Variants in REPS1 observed in about 807,000 individuals in gnomAD.
REPS1 encodes the protein RALBP1 associated Eps domain containing 1, also known as ralBP1-associated Eps domain-containing protein 1.
Under a neutral mutation model 100.9 loss-of-function variants are expected in REPS1, and 39 were observed. The ratio of observed to expected loss-of-function variants is 0.39; its 90% CI spans 0.30 to 0.50. The LOEUF is 0.50. Among genes scored for constraint, REPS1 ranks in the 20% least tolerant of loss-of-function variants. The probability of loss-of-function intolerance (pLI) is 0.86; values close to 1 mark genes in which losing one functional copy is unlikely to be tolerated. For missense variants in REPS1, 821 were observed against 968.5 expected (o/e 0.85, Z 2.02); for synonymous variants, 324 against 340.3 (o/e 0.95, Z 0.53).
At chr6:138,929,875 T>C in intron 9 of REPS1, 102 bp downstream of exon 9, 1 of 1,113,548 alleles carries the variant, frequency 9.0e-7, no homozygotes, top group Non-Finnish European at 1.3e-6. Flanking sequence ...TTCTCTCAAT[T>C]ATGCATGCAT....
intron 9 of REPS1, 120 bp downstream of exon 9, chr6:138,929,857 C>A: frequency 1.1e-6 from 1 of 907,628 alleles, no homozygotes; most frequent in Non-Finnish European, 1.7e-6. Context: ...CATAGTATAT[C>A]TGATATGTTC....
intron 18 of REPS1, among the ~76,000 whole-genome samples, chr6:138,907,862 G>A (rs1441066884): frequency 6.6e-6 from 1 of 151,988 alleles, no homozygotes; most frequent in African/African-American, 2.4e-5. Flanking sequence ...GTCTAAAGTA[G>A]GTACTGGCAA....
chr6:138,923,846 GTTTCTT>G (rs1190970856), intron 10 of REPS1, among the ~76,000 whole-genome samples: 2 of 152,156 alleles, frequency 1.3e-5, no homozygotes, highest in African/African-American at 4.8e-5. Context: ...TTACAATTTA[GTTTCTT>G]TTTAATAGTC....
At chr6:138,967,086 T>A (rs1784067976) in intron 1 of REPS1, among the ~76,000 whole-genome samples, 1 of 152,266 alleles carries the variant, frequency 6.6e-6, no homozygotes, top group Admixed American at 6.5e-5. Flanking sequence ...TGATTCATTA[T>A]GAAAGGCAAT....
intron 8 of REPS1, among the ~76,000 whole-genome samples, chr6:138,940,281 T>C (rs1314175506): frequency 2.0e-5 from 3 of 152,188 alleles, no homozygotes; most frequent in African/African-American, 7.2e-5. Flanking sequence ...CTTTTAAAAG[T>C]ATAAAATTCT....
rs1328651901 is a variant in REPS1, at chr6:138,903,642, ATGAAAT to A, written c.*1416_*1421del. On this transcript the variant is annotated 3_prime_UTR_variant, in exon 20 of 20. Coordinates refer to ENST00000450536, the MANE Select transcript of REPS1 (RefSeq NM_001286611.2). ...ATGGAAACAGCAAAACTTGCTTGTAATGAAATACAGCTGAGTAAAAATGTTTCTTTG... is the reference window on the plus strand; with the variant it reads ...ATGGAAACAGCAAAACTTGCTTGTAAACAGCTGAGTAAAAATGTTTCTTTG... The A allele has an allele frequency of 6.6e-6, 1 of 152,238 alleles. No homozygotes were observed. The highest frequency in any genetic ancestry group is 1.5e-5 in the Non-Finnish European group (1 of 68,038). The allele number at this position is 152,238 out of a possible 1,614,324, so 9.4% of individuals were successfully genotyped here.
intron 17 of REPS1, 190 bp from the exon 18 acceptor site, chr6:138,909,006 C>T: frequency 1.8e-6 from 1 of 557,104 alleles, no homozygotes; most frequent in South Asian, 2.2e-5. Context: ...TTCTAGTTGA[C>T]ACCACAATCA....
At chr6:138,925,391 C>T (rs1316843524) in intron 10 of REPS1, among the ~76,000 whole-genome samples, 1 of 151,970 alleles carries the variant, frequency 6.6e-6, no homozygotes, top group Non-Finnish European at 1.5e-5. Context: ...AAAAACAAAC[C>T]ACATCAAAGG....
intron 15 of REPS1, among the ~76,000 whole-genome samples, chr6:138,914,178 T>C (rs1024904369): frequency 2.0e-5 from 3 of 152,128 alleles, no homozygotes; most frequent in Non-Finnish European, 4.4e-5. Context: ...CAAGAGATCC[T>C]CCCACCTCAG....
chr6:138,971,331 G>A (rs2128502015), intron 1 of REPS1, among the ~76,000 whole-genome samples: 1 of 152,242 alleles, frequency 6.6e-6, no homozygotes, highest in South Asian at 2.1e-4. Flanking sequence ...TGTCTCAGTG[G>A]ACTGTGCTAG....
At chr6:138,964,748 G>A (rs1042213897) in intron 1 of REPS1, among the ~76,000 whole-genome samples, 1 of 151,428 alleles carries the variant, frequency 6.6e-6, no homozygotes, top group African/African-American at 2.4e-5. Context: ...AAAAACCCTA[G>A]AAATGTCTTC....
intron 1 of REPS1, among the ~76,000 whole-genome samples, chr6:138,980,151 G>A (rs953586922): frequency 2.0e-5 from 3 of 151,796 alleles, no homozygotes; most frequent in South Asian, 2.1e-4. Context: ...TTATGCCTTC[G>A]TATTTCTACC....
intron 1 of REPS1, among the ~76,000 whole-genome samples, chr6:138,948,226 G>A (rs1215970678): frequency 3.9e-5 from 6 of 152,074 alleles, no homozygotes; most frequent in Non-Finnish European, 8.8e-5. Flanking sequence ...CATAAGCACT[G>A]CACATACAAT....
At position 138,955,465 on chromosome 6, in the gene REPS1, T is replaced by A. The variant is rs934315263; in HGVS notation, c.154-7552A>T. 2.2e-4 allele frequency among the ~76,000 whole-genome samples: 32 copies of A among 143,780 alleles called. 1 individual carries two copies. In the East Asian group the frequency reaches 6.0e-3, roughly 27 times the overall value. The allele number at this position is 143,780 out of a possible 152,430, so 94.3% of individuals were successfully genotyped here. On this transcript the variant is annotated intron_variant, in intron 1 of 19. Transcript: ENST00000450536. Reference sequence around the variant, plus strand: ...TAAAAAAAAAAAAAAAAAGTGTGTGTGTGTGTGTGTGTGTGTGTGTGTGTA... The same window carrying A: ...TAAAAAAAAAAAAAAAAAGTGTGTGAGTGTGTGTGTGTGTGTGTGTGTGTA...
intron 13 of REPS1, among the ~76,000 whole-genome samples, chr6:138,916,826 T>A (rs1053100479): frequency 6.6e-6 from 1 of 152,252 alleles, no homozygotes; most frequent in Non-Finnish European, 1.5e-5. Context: ...CCAAGGCCTC[T>A]GGTAATCTGA....
At chr6:138,916,222 T>C (rs1039269913) in intron 13 of REPS1, 14 of 209,818 alleles carry the variant, frequency 6.7e-5, no homozygotes, top group East Asian at 1.6e-4. Flanking sequence ...TTTTTTCTTT[T>C]TTTTTTTTTT....
intron 9 of REPS1, chr6:138,929,675 G>A (rs771569198): frequency 8.8e-5 from 19 of 216,730 alleles, no homozygotes; most frequent in African/African-American, 2.7e-4. Flanking sequence ...CCTAGCTCTC[G>A]TCCCTCACTG....
intron 1 of REPS1, among the ~76,000 whole-genome samples, chr6:138,956,678 A>C (rs1428273108): frequency 1.3e-5 from 2 of 152,148 alleles, no homozygotes; most frequent in African/African-American, 4.8e-5. Context: ...AAAAAAGATA[A>C]GCTATACCCA....
intron 17 of REPS1, among the ~76,000 whole-genome samples, chr6:138,909,633 T>A (rs1456826092): frequency 6.6e-6 from 1 of 151,614 alleles, no homozygotes; most frequent in South Asian, 2.1e-4. Context: ...TGGTCCCCCA[T>A]GCTGTTCTTA....
Sources: allele counts gnomAD v4.1 joint callset (sites outside exome capture counted in the v4.1 genomes callset), GRCh38; gene constraint gnomAD v4.1.1; transcripts MANE v1.5; gene names NCBI Gene and HGNC (gene_info 2026-07-23, HGNC 2026-07-21).